Variants in FXYD2 observed in about 807,000 individuals in gnomAD.
FXYD2 encodes the protein FXYD domain containing ion transport regulator 2.
Under a neutral mutation model 11.8 loss-of-function variants are expected in FXYD2, and 8 were observed. That is an observed-to-expected ratio of 0.68 (90% CI 0.40 to 1.22). The LOEUF is 1.22. Ranked by LOEUF, FXYD2 falls within the 50% of genes most tolerant of loss-of-function variation. FXYD2 has a pLI of 0.01. For synonymous variants in FXYD2, 42 were observed against 33.3 expected (o/e 1.26, Z -0.90); for missense variants, 92 against 91.8 (o/e 1.00, Z -0.01).
At chr11:117,827,887 T>G, upstream of FXYD2, 1 of 798,504 alleles carries the variant, frequency 1.3e-6, no homozygotes. Flanking sequence ...TCTTCCTTTC[T>G]GCTTTTCCTG....
rs756684075 is a variant in FXYD2, at chr11:117,820,700, G to T, written c.177-4C>A. On this transcript the variant is annotated splice_polypyrimidine_tract_variant and splice_region_variant and intron_variant, in intron 4 of 5. Coordinates refer to ENST00000292079, the MANE Select transcript of FXYD2 (RefSeq NM_001680.5). Reference sequence around the variant, plus strand: ...CGGCTCATCTTCATTGATTTGCCTGGTGGGGGAAGGAAAAGCAACAGGTGA... The same window carrying T: ...CGGCTCATCTTCATTGATTTGCCTGTTGGGGGAAGGAAAAGCAACAGGTGA... 2 of 1,614,000 alleles carry T rather than the reference G, an allele frequency of 1.2e-6. No homozygotes were observed. Among genetic ancestry groups the T allele is most frequent in the Non-Finnish European group, 1.7e-6 (2 of 1,179,996 alleles).
chr11:117,827,754 C>G (rs2056074597), upstream of FXYD2, among the ~76,000 whole-genome samples: 1 of 152,192 alleles, frequency 6.6e-6, no homozygotes, highest in African/African-American at 2.4e-5. Flanking sequence ...GATGGACAGA[C>G]AAGTAAATGA....
At chr11:117,825,260 C>A (rs1459367792), upstream of FXYD2, among the ~76,000 whole-genome samples, 1 of 152,186 alleles carries the variant, frequency 6.6e-6, no homozygotes, top group Non-Finnish European at 1.5e-5. Flanking sequence ...AGTAGATCCT[C>A]CAGAAGGGCC....
At chr11:117,820,516 T>A in intron 5 of FXYD2, 144 bp from the exon 6 acceptor site, 1 of 980,630 alleles carries the variant, frequency 1.0e-6, no homozygotes. Context: ...TGGCCATCAT[T>A]TTAAACACAC....
chr11:117,820,863 GCTT>G lies in FXYD2; in HGVS notation c.169_171del (p.Lys57del). 1 of 1,612,462 alleles carries G rather than the reference GCTT, an allele frequency of 6.2e-7. No homozygotes were observed. Among genetic ancestry groups the G allele is most frequent in the Non-Finnish European group, 8.5e-7 (1 of 1,179,814 alleles). On this transcript the variant is annotated inframe_deletion, in exon 4 of 6. Transcript: ENST00000292079. ...GTCACCCCAGGCAGCGCTCACCTGC[GCTT>G]CTTATTGCCCCCACAGCGGAATCTT...
upstream of FXYD2, among the ~76,000 whole-genome samples, chr11:117,827,085 G>GAGATAGATAGAT (rs61369941): frequency 6.5e-5 from 9 of 138,496 alleles, no homozygotes; most frequent in Admixed American, 1.4e-4. Context: ...GATAAATAGA[G>GAGATAGATAGAT]AGATAGATAG....
At chr11:117,823,456 C>T (rs148192944) in intron 1 of FXYD2, among the ~76,000 whole-genome samples, 6 of 152,226 alleles carry the variant, frequency 3.9e-5, no homozygotes, top group Admixed American at 3.9e-4. Context: ...ACCCAGGAAG[C>T]AGGGGGCTGA....
chr11:117,820,621 C>A (rs1169866062), intron 5 of FXYD2, 45 bp downstream of exon 5: 5 of 1,612,198 alleles, frequency 3.1e-6, no homozygotes, highest in Non-Finnish European at 4.2e-6. Flanking sequence ...TGCTCCCAAG[C>A]CTGCCCTGCC....
At chr11:117,826,822 A>ATCTG (rs1555040338), upstream of FXYD2, among the ~76,000 whole-genome samples, 80 of 138,718 alleles carry the variant, frequency 5.8e-4, no homozygotes, top group South Asian at 7.3e-3. Context: ...CTATCTATCT[A>ATCTG]TCTGTCTATC....
upstream of FXYD2, among the ~76,000 whole-genome samples, chr11:117,827,454 G>T (rs933744950): frequency 1.3e-5 from 2 of 152,166 alleles, no homozygotes; most frequent in Non-Finnish European, 2.9e-5. Flanking sequence ...TCACCATGTT[G>T]GTCAGGCTGG....
In FXYD2 at chr11:117,822,574, G is replaced by A. The variant is rs1412632090; in HGVS notation, c.65-94C>T. 2 of 1,565,808 alleles carry A rather than the reference G, an allele frequency of 1.3e-6. No homozygotes were observed. The highest frequency in any genetic ancestry group is 3.9e-5 in the Admixed American group (2 of 51,474). On this transcript the variant is annotated intron_variant, in intron 2 of 5. Coordinates refer to ENST00000292079, the MANE Select transcript of FXYD2 (RefSeq NM_001680.5). This position sits in a 1 kb window ranked among gnomAD's most constrained non-coding sequence, Gnocchi z 4.7. ...TGCCCGCAGCAGCCCGTGGTAACCA[G>A]GGGAGATAAGGGGCACAGAGCATGG... is the stretch of plus-strand genomic sequence containing the variant.
upstream of FXYD2, among the ~76,000 whole-genome samples, chr11:117,826,909 T>C (rs925922781): frequency 6.6e-6 from 1 of 152,050 alleles, no homozygotes; most frequent in Non-Finnish European, 1.5e-5. Flanking sequence ...CCTGCTGTCT[T>C]TGCTCCTTGG....
In FXYD2 at chr11:117,822,647, C is replaced by T; in HGVS notation, c.64+32G>A. Reference sequence around the variant, plus strand: ...TGCTTGGTGGAAGGGGTCCTGAGGGCTCAGGAAGGGTGCGCAGGGGCCCAG... The same window carrying T: ...TGCTTGGTGGAAGGGGTCCTGAGGGTTCAGGAAGGGTGCGCAGGGGCCCAG... On this transcript the variant is annotated intron_variant, in intron 2 of 5. Coordinates refer to ENST00000292079, the MANE Select transcript of FXYD2 (RefSeq NM_001680.5). The surrounding 1 kb of genome is among the most constrained non-coding windows in gnomAD (Gnocchi z 4.7). The T allele has an allele frequency of 6.2e-7, 1 of 1,605,172 alleles. No individual in the cohort carries two copies. The highest frequency in any genetic ancestry group is 1.3e-5 in the African/African-American group (1 of 74,952).
chr11:117,827,907 G>T, upstream of FXYD2: 1 of 885,990 alleles, frequency 1.1e-6, no homozygotes, highest in Non-Finnish European at 1.9e-6. Flanking sequence ...GCACTTCTGG[G>T]GAGCTTGTGG....
upstream of FXYD2, chr11:117,824,889 G>C: frequency 1.5e-6 from 1 of 673,106 alleles, no homozygotes; most frequent in Non-Finnish European, 2.7e-6. This position sits in a 1 kb window ranked among gnomAD's most constrained non-coding sequence, Gnocchi z 4.0. Flanking sequence ...GGGGAGGCAG[G>C]GGCAGGGAGG....
At chr11:117,827,129 TAGA>T (rs2056061762), upstream of FXYD2, among the ~76,000 whole-genome samples, 3 of 144,320 alleles carry the variant, frequency 2.1e-5, no homozygotes, top group Non-Finnish European at 3.0e-5. Context: ...GATAGATAGA[TAGA>T]TAGATATGGA....
Position 117,820,852 on chromosome 11 carries a change from C to T in FXYD2, c.176+7G>A, listed in dbSNP as rs373698796. Reference sequence around the variant, plus strand: ...CCCCCTCATCGGTCACCCCAGGCAGCGCTCACCTGCGCTTCTTATTGCCCC... The same window carrying T: ...CCCCCTCATCGGTCACCCCAGGCAGTGCTCACCTGCGCTTCTTATTGCCCC... On this transcript the variant is annotated splice_region_variant and intron_variant, in intron 4 of 5. Coordinates refer to ENST00000292079, the MANE Select transcript of FXYD2 (RefSeq NM_001680.5). 52 of 1,613,468 alleles carry T rather than the reference C, an allele frequency of 3.2e-5. No homozygotes were observed. The African/African-American group carries it at 3.5e-4, about 11-fold the overall frequency.
upstream of FXYD2, among the ~76,000 whole-genome samples, chr11:117,827,025 C>T (rs749298051): frequency 1.6e-4 from 24 of 148,644 alleles, no homozygotes; most frequent in African/African-American, 1.5e-4. Context: ...GCTCCCACTG[C>T]GGGGGGGAGG....
chr11:117,822,001 T>C lies in FXYD2; in HGVS notation c.139+405A>G. 1 of 1,164,404 alleles carries C rather than the reference T, an allele frequency of 8.6e-7. No homozygotes were observed. The highest frequency in any genetic ancestry group is 1.1e-6 in the Non-Finnish European group (1 of 932,288). The allele number at this position is 1,164,404 out of a possible 1,614,324, so 72.1% of individuals were successfully genotyped here. Reference sequence around the variant, plus strand: ...ACTCCGAGTCTGCACTGGACCGTTCTCAGAGCGCTGTCCTGACTGCCATGT... The same window carrying C: ...ACTCCGAGTCTGCACTGGACCGTTCCCAGAGCGCTGTCCTGACTGCCATGT... On this transcript the variant is annotated intron_variant, in intron 3 of 5. Transcript: ENST00000292079. This position sits in a 1 kb window ranked among gnomAD's most constrained non-coding sequence, Gnocchi z 4.7.
Sources: allele counts gnomAD v4.1 joint callset (sites outside exome capture counted in the v4.1 genomes callset), GRCh38; gene constraint gnomAD v4.1.1; non-coding constraint Gnocchi (gnomAD v3.1); transcripts MANE v1.5; gene names NCBI Gene and HGNC (gene_info 2026-07-23, HGNC 2026-07-21).